ANTXR2: variants seen among roughly 807,000 people sequenced by gnomAD.
The protein encoded by ANTXR2 is ANTXR cell adhesion molecule 2, also known as anthrax toxin receptor 2.
A neutral mutation model predicts 73.7 loss-of-function variants in ANTXR2; 44 were observed. The ratio of observed to expected loss-of-function variants is 0.60; its 90% CI spans 0.47 to 0.77. The LOEUF is 0.77. ANTXR2 is among the 30% of genes least tolerant of loss of function. The pLI, the probability that ANTXR2 is intolerant of heterozygous loss-of-function variation, is 0.00. For synonymous variants in ANTXR2, 217 were observed against 205.9 expected, an observed-to-expected ratio of 1.05 and a Z score of -0.46; for missense variants, 604 against 592.5, an observed-to-expected ratio of 1.02 and a Z score of -0.20.
intron 16 of ANTXR2, among the ~76,000 whole-genome samples, chr4:79,948,732 T>C (rs1381629632): frequency 6.6e-6 from 1 of 151,934 alleles, no homozygotes; most frequent in Admixed American, 6.6e-5. Context: ...GTCTCCTGTC[T>C]CTCTTTCAAA....
intron 16 of ANTXR2, among the ~76,000 whole-genome samples, chr4:79,963,613 G>T (rs1729233275): frequency 6.6e-6 from 1 of 152,088 alleles, no homozygotes; most frequent in Non-Finnish European, 1.5e-5. Context: ...CCTCTCCAAA[G>T]GATACTTTTG....
chr4:80,030,343 A>AT (rs1293538721), intron 10 of ANTXR2, among the ~76,000 whole-genome samples: 3 of 152,082 alleles, frequency 2.0e-5, no homozygotes, highest in African/African-American at 7.2e-5. Context: ...GGAATTACAG[A>AT]TTCACTAAAA....
At position 80,018,722 on chromosome 4, in the gene ANTXR2, T is replaced by TA. The variant is rs1207963810; in HGVS notation, c.945+175dup. Among the ~76,000 whole-genome samples, 8 of 151,992 alleles carry TA rather than the reference T, an allele frequency of 5.3e-5. No individual in the cohort carries two copies. The East Asian group carries it at 5.8e-4, about 11-fold the overall frequency. On this transcript the variant is annotated intron_variant, in intron 11 of 16. Transcript: ENST00000403729. ...AGTTCCTATAAAAGGGAGCTCAACA[T>TA]AAAAAAAAGCAATGCCACCCAAAAC...
chr4:79,978,114 C>G lies in ANTXR2; in HGVS notation c.1240G>C (p.Ala414Pro), dbSNP rs1560929799. 6.8e-6 allele frequency: 11 copies of G among 1,613,924 alleles called. 2 individuals carry two copies. In the South Asian group the frequency reaches 1.1e-4, roughly 16 times the overall value. The change falls in exon 15 of 17, where the codon GCT becomes CCT. Residue 414 changes from alanine to proline, a missense_variant. Ala to Pro is a conservative substitution (Grantham distance 27, BLOSUM62 -1). Coordinates refer to ENST00000403729, the MANE Select transcript of ANTXR2 (RefSeq NM_058172.6). The stretch of plus-strand genomic sequence containing the variant: ...GTTTCTTCAGGAATCTTCACCACAG[C>G]ATTTTTGGCTTTCTCTAGCCTTGCA... Reference protein sequence around the residue: ...EGARLEKAKNAVVKIPEETEE... With the variant: ...EGARLEKAKNPVVKIPEETEE...
At chr4:79,929,501 G>A (rs1283411825) in intron 16 of ANTXR2, among the ~76,000 whole-genome samples, 3 of 152,162 alleles carry the variant, frequency 2.0e-5, no homozygotes, top group Non-Finnish European at 4.4e-5. Context: ...AACAGAGCGA[G>A]ACTCAGTATC....
rs1425364866 is a variant in ANTXR2 at position 80,018,858 on chromosome 4, T to C, written c.945+40A>G. The C allele has an allele frequency of 2.9e-6, 4 of 1,375,440 alleles. No individual in the cohort carries two copies. The East Asian group carries it at 8.1e-5, about 28-fold the overall frequency. The allele number at this position is 1,375,440 out of a possible 1,614,324, so 85.2% of individuals were successfully genotyped here. A position where few individuals can be genotyped will look rare whatever the true frequency, so the allele number is the denominator to read the frequency against. On this transcript the variant is annotated intron_variant, in intron 11 of 16. Coordinates refer to ENST00000403729, the MANE Select transcript of ANTXR2 (RefSeq NM_058172.6). ...ATCCATAGATTATTTCTGGATGGAA[T>C]TGCTTTTAAAAGATAATCTTTGTGC... is the stretch of plus-strand genomic sequence containing the variant.
chr4:80,017,904 A>T (rs1731950966), intron 11 of ANTXR2, among the ~76,000 whole-genome samples: 1 of 152,232 alleles, frequency 6.6e-6, no homozygotes, highest in Non-Finnish European at 1.5e-5. Context: ...TCAAAATAGA[A>T]GTAGCTGTTG....
At chr4:80,043,634 A>T (rs1415424031) in intron 7 of ANTXR2, among the ~76,000 whole-genome samples, 1 of 151,928 alleles carries the variant, frequency 6.6e-6, no homozygotes, top group Non-Finnish European at 1.5e-5. Context: ...ATTTCATGGA[A>T]TTTTTCTATT....
chr4:80,073,444 C>A (rs1277513354), upstream of ANTXR2: 1 of 152,120 alleles, frequency 6.6e-6, no homozygotes, highest in Non-Finnish European at 1.5e-5. Context: ...CTAAAACAGC[C>A]CCCATGCGTG....
chr4:80,050,092 T>C (rs1239095429), intron 7 of ANTXR2, among the ~76,000 whole-genome samples: 1 of 151,780 alleles, frequency 6.6e-6, no homozygotes, highest in East Asian at 1.9e-4. Context: ...CACTGTTTCT[T>C]CCAAAACTAC....
chr4:80,050,573 T>C (rs115527181), intron 7 of ANTXR2, among the ~76,000 whole-genome samples: 60 of 151,726 alleles, frequency 4.0e-4, no homozygotes, highest in African/African-American at 1.3e-3. Context: ...ATTTAAAAAA[T>C]AAAACAACAA....
At chr4:79,977,498 T>C in intron 16 of ANTXR2, 123 bp downstream of exon 16, 1 of 1,482,936 alleles carries the variant, frequency 6.7e-7, no homozygotes. Context: ...AAATCTACAC[T>C]TGACAGTATT....
chr4:80,045,341 C>G (rs1733470433), intron 7 of ANTXR2, among the ~76,000 whole-genome samples: 1 of 151,704 alleles, frequency 6.6e-6, no homozygotes, highest in East Asian at 1.9e-4. Context: ...TATATACATT[C>G]ACATGTGCTA....
At chr4:80,048,398 C>A (rs1733621419) in intron 7 of ANTXR2, among the ~76,000 whole-genome samples, 1 of 151,520 alleles carries the variant, frequency 6.6e-6, no homozygotes, top group African/African-American at 2.4e-5. Context: ...AAAGAGAAGC[C>A]TAGAATAATC....
rs537224212 is a variant in ANTXR2 at position 79,984,010 on chromosome 4, C to A, written c.1087-40G>T. ...TTTATAAATAGTTTTTAATTAATTT[C>A]TTAAAATACTGTTTAGTCGGAACTG... is the stretch of plus-strand genomic sequence containing the variant. On this transcript the variant is annotated intron_variant, in intron 13 of 16. Coordinates refer to ENST00000403729, the MANE Select transcript of ANTXR2 (RefSeq NM_058172.6). 5 of 1,367,066 alleles carry A rather than the reference C, an allele frequency of 3.7e-6. No individual in the cohort carries two copies. The East Asian group carries it at 7.6e-5, about 21-fold the overall frequency. 84.7% of individuals were successfully genotyped at this position (1,367,066 alleles called of 1,614,324 possible). A position where few individuals can be genotyped will look rare whatever the true frequency, so the allele number is the denominator to read the frequency against.
chr4:79,955,555 T>G (rs1227739782), intron 16 of ANTXR2, among the ~76,000 whole-genome samples: 1 of 152,184 alleles, frequency 6.6e-6, no homozygotes, highest in East Asian at 1.9e-4. Flanking sequence ...TGTTAAGGCC[T>G]CCTCTCTGAG....
intron 3 of ANTXR2, among the ~76,000 whole-genome samples, chr4:80,056,432 T>C (rs1054594633): frequency 2.6e-5 from 4 of 151,948 alleles, no homozygotes; most frequent in African/African-American, 9.7e-5. Context: ...AAATTTTCCT[T>C]GTTATCTGCG....
chr4:80,055,176 C>G lies in ANTXR2; in HGVS notation c.529G>C (p.Gly177Arg), dbSNP rs1733935306. ...TGTGCTTGTTCAAAATCAAGGACAC[C>G]AACACAATAAACACTAGCCCCAAGT... ...RSLGASVYCV[G>R]VLDFEQAQLE... The change falls in exon 6 of 17, where the codon GGT becomes CGT. Residue 177 changes from glycine to arginine, a missense_variant. By Grantham distance (125) the Gly-to-Arg change is moderately radical. Coordinates refer to ENST00000403729, the MANE Select transcript of ANTXR2 (RefSeq NM_058172.6). 1 of 1,565,542 alleles carries G rather than the reference C, an allele frequency of 6.4e-7. No individual in the cohort carries two copies. The highest frequency in any genetic ancestry group is 1.9e-5 in the Admixed American group (1 of 52,790).
chr4:79,977,643 A>G lies in ANTXR2; in HGVS notation c.1406T>C (p.Met469Thr), dbSNP rs1416759412. 1 of 1,580,408 alleles carries G rather than the reference A, an allele frequency of 6.3e-7. No homozygotes were observed. Among genetic ancestry groups the G allele is most frequent in the East Asian group, 2.3e-5 (1 of 43,644 alleles). Residue 469 changes from methionine to threonine, a missense_variant, in exon 16 of 17, where the codon ATG becomes ACG. By Grantham distance (81) the Met-to-Thr change is moderately conservative. Transcript: ENST00000403729. ...LRRQYDRVSL[M>T]RPQEGDEGRC... ...AACCTCATCTCCTTCCTGAGGTCGC[A>G]TCAAAGAAACCCGGTCATACTGCCG...
Sources: gnomAD v4.1 joint callset for allele counts (sites outside exome capture counted in the v4.1 genomes callset) on GRCh38, gnomAD v4.1.1 for gene constraint, MANE v1.5 for transcripts, NCBI Gene and HGNC (gene_info 2026-07-23, HGNC 2026-07-21) for gene names.